AGPS: variants seen among roughly 807,000 people sequenced by gnomAD.
The protein encoded by AGPS is alkyldihydroxyacetonephosphate synthase, peroxisomal.
In AGPS, 26 loss-of-function variants were observed where a neutral mutation model predicts 90.7. The observed-to-expected ratio is 0.29, with a 90% CI of 0.21 to 0.40. The LOEUF is 0.40. Among genes scored for constraint, AGPS ranks in the 10% least tolerant of loss-of-function variants. The probability of loss-of-function intolerance (pLI) is 1.00; values close to 1 mark genes in which losing one functional copy is unlikely to be tolerated. For synonymous variants in AGPS, 294 were observed against 285.3 expected, an observed-to-expected ratio of 1.03 and a Z score of -0.31; for missense variants, 540 against 816.1, an observed-to-expected ratio of 0.66 and a Z score of 4.12.
chr2:177,455,633 G>A (rs1687089666), intron 8 of AGPS, among the ~76,000 whole-genome samples: 1 of 152,000 alleles, frequency 6.6e-6, no homozygotes, highest in African/African-American at 2.4e-5. Flanking sequence ...TTATTGGGTG[G>A]GAGGGTAAAT....
intron 11 of AGPS, among the ~76,000 whole-genome samples, chr2:177,488,216 C>CT (rs772897996): frequency 1.7e-3 from 247 of 143,594 alleles, no homozygotes; most frequent in Non-Finnish European, 1.9e-3. Flanking sequence ...CTTTTTTGAA[C>CT]TTTTTTTTTT....
At chr2:177,405,361 A>G (rs1685438000) in intron 1 of AGPS, among the ~76,000 whole-genome samples, 1 of 152,246 alleles carries the variant, frequency 6.6e-6, no homozygotes, top group Non-Finnish European at 1.5e-5. Flanking sequence ...TCTGGTTATC[A>G]TGCATTTAAA....
chr2:177,468,645 T>A (rs890682456), intron 10 of AGPS, 121 bp downstream of exon 10: 13 of 696,026 alleles, frequency 1.9e-5, no homozygotes, highest in South Asian at 1.1e-4. Flanking sequence ...AGGAATTTTT[T>A]AAATTTTTAT....
At chr2:177,400,540 G>A (rs1051455946) in intron 1 of AGPS, among the ~76,000 whole-genome samples, 2 of 152,164 alleles carry the variant, frequency 1.3e-5, no homozygotes, top group Non-Finnish European at 2.9e-5. Context: ...TCCAGTAACT[G>A]CAGTTACTTT....
intron 8 of AGPS, among the ~76,000 whole-genome samples, chr2:177,460,844 A>G (rs571590376): frequency 8.9e-4 from 135 of 152,352 alleles, no homozygotes; most frequent in African/African-American, 3.2e-3. Flanking sequence ...AACTTTTATT[A>G]TATAACAGTT....
At chr2:177,492,238 G>A (rs545419223) in intron 11 of AGPS, among the ~76,000 whole-genome samples, 11 of 152,304 alleles carry the variant, frequency 7.2e-5, no homozygotes, top group Admixed American at 1.3e-4. Context: ...ATGAATGACA[G>A]AGTGGCTGTT....
chr2:177,475,792 T>G (rs4893954), intron 10 of AGPS, among the ~76,000 whole-genome samples: 86,199 of 151,988 alleles, frequency 0.57, 28,758 homozygotes, highest in Non-Finnish European at 0.72. Context: ...TTTTTATTTT[T>G]GGGGGTTTAT....
At chr2:177,434,446 A>G in intron 3 of AGPS, 29 bp downstream of exon 3, 1 of 1,510,668 alleles carries the variant, frequency 6.6e-7, no homozygotes, top group Non-Finnish European at 9.2e-7. Flanking sequence ...TTACTAACTC[A>G]TTTAACTGTG....
intron 14 of AGPS, among the ~76,000 whole-genome samples, chr2:177,500,959 C>T (rs1688545304): frequency 6.6e-6 from 1 of 151,880 alleles, no homozygotes. Context: ...TATGTATGTA[C>T]CCGTTTTTTA....
intron 7 of AGPS, among the ~76,000 whole-genome samples, chr2:177,443,110 C>G (rs1236830777): frequency 1.3e-5 from 2 of 151,920 alleles, no homozygotes; most frequent in African/African-American, 4.8e-5. Context: ...TGATACAATG[C>G]TACTTTACAT....
intron 3 of AGPS, among the ~76,000 whole-genome samples, chr2:177,434,997 G>GGGTGTATATATATATATATATATA (rs36151985): frequency 4.7e-5 from 6 of 128,160 alleles, no homozygotes; most frequent in African/African-American, 1.8e-4. Flanking sequence ...TAAACTGTAG[G>GGGTGTATATATATATATATATATA]TATATATATA....
At chr2:177,524,677 T>G (rs1306534963) in intron 19 of AGPS, among the ~76,000 whole-genome samples, 1 of 152,192 alleles carries the variant, frequency 6.6e-6, no homozygotes, top group Non-Finnish European at 1.5e-5. Context: ...TATTATTATC[T>G]AATATGCTGT....
chr2:177,422,047 G>A (rs901249372), intron 2 of AGPS, among the ~76,000 whole-genome samples: 1 of 152,020 alleles, frequency 6.6e-6, no homozygotes, highest in Non-Finnish European at 1.5e-5. Flanking sequence ...AACATCACAG[G>A]TAATTATACC....
chr2:177,445,496 A>G, intron 7 of AGPS, 50 bp from the exon 8 acceptor site: 1 of 1,440,762 alleles, frequency 6.9e-7, no homozygotes. Flanking sequence ...ATTTCCTGAG[A>G]AAATATTAGT....
intron 1 of AGPS, among the ~76,000 whole-genome samples, chr2:177,406,343 G>A (rs575217974): frequency 1.3e-5 from 2 of 152,296 alleles, no homozygotes; most frequent in East Asian, 3.9e-4. Context: ...ATGATTGACA[G>A]TCAGTGGAGA....
intron 1 of AGPS, among the ~76,000 whole-genome samples, chr2:177,398,544 C>T (rs1003488269): frequency 6.6e-6 from 1 of 152,162 alleles, no homozygotes; most frequent in Non-Finnish European, 1.5e-5. Context: ...ATATTCTTTC[C>T]TCTATGCTGG....
Position 177,460,681 on chromosome 2 carries a change from G to A in AGPS, c.871-1212G>A, listed in dbSNP as rs183997494. Among the ~76,000 whole-genome samples the A allele has an allele frequency of 2.6e-5, 4 of 152,240 alleles. No homozygotes were observed. In the East Asian group the frequency reaches 5.8e-4, roughly 22 times the overall value. On this transcript the variant is annotated intron_variant, in intron 8 of 19. Coordinates refer to ENST00000264167, the MANE Select transcript of AGPS (RefSeq NM_003659.4). ...GTGTTTTAAGAGAAAATAATTCATA[G>A]TATTTTGTTTGGAGATGGAGTTAGG...
chr2:177,508,131 A>T (rs1315557017), intron 16 of AGPS, 100 bp downstream of exon 16: 1 of 886,340 alleles, frequency 1.1e-6, no homozygotes, highest in African/African-American at 1.7e-5. Context: ...AAAACATTTT[A>T]TGAAGAAACA....
At chr2:177,436,380 G>C (rs1349713721) in intron 3 of AGPS, among the ~76,000 whole-genome samples, 1 of 152,000 alleles carries the variant, frequency 6.6e-6, no homozygotes, top group African/African-American at 2.4e-5. Flanking sequence ...TCAATCTCCT[G>C]ACCTCGTGAT....
Sources: allele counts gnomAD v4.1 joint callset (sites outside exome capture counted in the v4.1 genomes callset), GRCh38; gene constraint gnomAD v4.1.1; transcripts MANE v1.5; gene names NCBI Gene and HGNC (gene_info 2026-07-23, HGNC 2026-07-21).